The following CACNA1C variants were observed in gnomAD, a reference collection of about 807,000 sequenced individuals.
CACNA1C encodes calcium voltage-gated channel subunit alpha1 C, also known as voltage-dependent L-type calcium channel subunit alpha-1C.
CACNA1C carries 30 observed loss-of-function variants against 229.0 expected under a neutral mutation model. The observed-to-expected ratio is 0.13, with a 90% confidence interval of 0.10 to 0.18. The LOEUF (loss-of-function observed/expected upper bound fraction) is 0.18. Ranked by LOEUF, CACNA1C falls within the 10% of genes least tolerant of loss-of-function variation. CACNA1C has a pLI of 1.00. For missense variants in CACNA1C, 1,658 were observed against 2,845.0 expected, an observed-to-expected ratio of 0.58 and a Z score of 9.49; for synonymous variants, 1,114 against 1,132.5, an observed-to-expected ratio of 0.98 and a Z score of 0.33.
chr12:2,255,318 T>C (rs902397279), intron 3 of CACNA1C, among the ~76,000 whole-genome samples: 2 of 148,240 alleles, frequency 1.3e-5, no homozygotes, highest in Admixed American at 1.3e-4. Flanking sequence ...ATTCCCCAGG[T>C]GTGGGAGTTC....
intron 7 of CACNA1C, among the ~76,000 whole-genome samples, chr12:2,494,850 T>C (rs1287500437): frequency 6.6e-6 from 1 of 152,220 alleles, no homozygotes; most frequent in Non-Finnish European, 1.5e-5. Context: ...AAGTGACAAC[T>C]TGAAACTTGC....
Position 1,971,632 on chromosome 12 carries a change from AG to A in CACNA1C, c.139+432del, listed in dbSNP as rs775184990. On this transcript the variant is annotated intron_variant, in intron 1 of 46. Transcript: ENST00000682462. The surrounding 1 kb of genome is among the most constrained non-coding windows in gnomAD (Gnocchi z 4.2). ...AAATTTCTTCAGTGGAAAAACCAAA[AG>A]CTGGTCAAATTTTAAGAGGCTAGTT... Among the ~76,000 whole-genome samples the A allele has an allele frequency of 1.2e-4, 18 of 152,216 alleles. No individual in the cohort carries two copies. The highest frequency in any genetic ancestry group is 1.9e-4 in the Non-Finnish European group (13 of 68,038).
chr12:2,550,596 A>G (rs2099897722), intron 10 of CACNA1C: 1 of 1,351,522 alleles, frequency 7.4e-7, no homozygotes, highest in Non-Finnish European at 9.8e-7. Context: ...TTGGGGTGTC[A>G]CGACTGTAAA....
At chr12:2,154,684 AG>A (rs1379792057) in intron 3 of CACNA1C, among the ~76,000 whole-genome samples, 2 of 152,160 alleles carry the variant, frequency 1.3e-5, no homozygotes, top group East Asian at 3.9e-4. Flanking sequence ...GAGAAACTGA[AG>A]CCTAGAACGC....
chr12:2,493,151 C>T lies in CACNA1C; in HGVS notation c.917-39C>T, dbSNP rs745383726. The T allele has an allele frequency of 3.8e-6, 6 of 1,567,204 alleles. No homozygotes were observed. Among genetic ancestry groups the T allele is most frequent in the Admixed American group, 1.7e-5 (1 of 59,650 alleles). On this transcript the variant is annotated intron_variant, in intron 6 of 46. Transcript: ENST00000399655. The surrounding 1 kb of genome is among the most constrained non-coding windows in gnomAD (Gnocchi z 4.6). ...TTTCTCTGCCCACATCTCTCCCTCC[C>T]TGCTGCTCCCGTCTCCTGTCTTCTT...
chr12:2,198,969 C>T (rs2097504301), intron 3 of CACNA1C, among the ~76,000 whole-genome samples: 1 of 152,170 alleles, frequency 6.6e-6, no homozygotes, highest in African/African-American at 2.4e-5. Context: ...TAAGTATTGG[C>T]TGCATAAAGT....
intron 5 of CACNA1C, among the ~76,000 whole-genome samples, chr12:2,473,803 T>C (rs1275875987): frequency 6.6e-6 from 1 of 152,204 alleles, no homozygotes; most frequent in Non-Finnish European, 1.5e-5. Flanking sequence ...TTTACCACTA[T>C]AGAAAATTTG....
chr12:2,587,500 C>T (rs1044122162), intron 18 of CACNA1C, among the ~76,000 whole-genome samples: 3 of 152,344 alleles, frequency 2.0e-5, no homozygotes, highest in Non-Finnish European at 4.4e-5. Flanking sequence ...ACGGCAGATA[C>T]ACCTCTTGCA....
chr12:2,656,013 CT>C (rs2153672081), intron 34 of CACNA1C, among the ~76,000 whole-genome samples: 1 of 152,296 alleles, frequency 6.6e-6, no homozygotes, highest in South Asian at 2.1e-4. Context: ...AAGTTGAAAG[CT>C]TTTCCTTTAA....
chr12:2,217,085 G>A (rs1026895307), intron 3 of CACNA1C, among the ~76,000 whole-genome samples: 1 of 152,232 alleles, frequency 6.6e-6, no homozygotes, highest in Non-Finnish European at 1.5e-5. Flanking sequence ...TAAAAAGGAA[G>A]GAGATCCTGA....
At chr12:2,534,328 G>T (rs1050739420) in intron 9 of CACNA1C, among the ~76,000 whole-genome samples, 1 of 152,278 alleles carries the variant, frequency 6.6e-6, no homozygotes, top group South Asian at 2.1e-4. Context: ...AGTGAAAGCG[G>T]ATTGCCAAGG....
At chr12:2,634,246 T>A in intron 29 of CACNA1C, 51 bp from the exon 30 acceptor site, 1 of 870,978 alleles carries the variant, frequency 1.1e-6, no homozygotes, top group Non-Finnish European at 1.7e-6. Context: ...TGTTTTGTCC[T>A]TTCTTGTTGG....
Position 2,034,780 on chromosome 12 carries a change from T to C in CACNA1C, c.139+63579T>C, listed in dbSNP as rs977467183. ...GTGCCAGGCTCTGCAGATATAGCTG[T>C]GAATAACAGATAGTCCCTGTGCAAG... On this transcript the variant is annotated intron_variant, in intron 1 of 46. Transcript: ENST00000682462. This position sits in a 1 kb window ranked among gnomAD's most constrained non-coding sequence, Gnocchi z 4.1. 2.0e-5 allele frequency among the ~76,000 whole-genome samples: 3 copies of C among 152,098 alleles called. No individual in the cohort carries two copies. The highest frequency in any genetic ancestry group is 2.9e-5 in the Non-Finnish European group (2 of 68,022).
rs115670058 is a variant in CACNA1C, at chr12:2,342,483, A to G, written c.478-106493A>G. ...GGATAACAGCCAGTTGCTTTGAACA[A>G]AGAGTTTCTTTCTAAGCCCATGAAT... On this transcript the variant is annotated intron_variant, in intron 3 of 46. Transcript: ENST00000399655. Among the ~76,000 whole-genome samples the G allele has an allele frequency of 4.3e-3, 654 of 152,264 alleles. 12 individuals are homozygous for G. The highest frequency in any genetic ancestry group is 0.015 in the African/African-American group (630 of 41,536).
intron 1 of CACNA1C, among the ~76,000 whole-genome samples, chr12:1,999,152 A>C (rs2041608258): frequency 6.6e-6 from 1 of 152,216 alleles, no homozygotes; most frequent in Non-Finnish European, 1.5e-5. Flanking sequence ...CTGAATCAGA[A>C]ACTCTGGGGA....
intron 9 of CACNA1C, among the ~76,000 whole-genome samples, chr12:2,535,465 G>A (rs1252907036): frequency 1.3e-5 from 2 of 151,894 alleles, no homozygotes; most frequent in South Asian, 2.1e-4. Flanking sequence ...TTGGGAGGGC[G>A]AGGTGGGATG....
intron 29 of CACNA1C, among the ~76,000 whole-genome samples, chr12:2,627,892 AC>A (rs763701699): frequency 1.8e-4 from 27 of 152,300 alleles, no homozygotes; most frequent in Non-Finnish European, 3.5e-4. Context: ...AGGGGAAACC[AC>A]GTGTTCAGAG....
chr12:2,499,804 ATT>A (rs573591667), intron 7 of CACNA1C, among the ~76,000 whole-genome samples: 1 of 147,904 alleles, frequency 6.8e-6, no homozygotes, highest in African/African-American at 2.5e-5. Context: ...AATCTGGGTC[ATT>A]TTTTTTTTTA....
At chr12:2,077,026 T>C (rs901527207) in intron 1 of CACNA1C, among the ~76,000 whole-genome samples, 3 of 152,240 alleles carry the variant, frequency 2.0e-5, no homozygotes, top group Non-Finnish European at 4.4e-5. Context: ...TGTTTAGCAA[T>C]GAGGTCGAGC....
Sources: gnomAD v4.1 joint callset for allele counts (sites outside exome capture counted in the v4.1 genomes callset) on GRCh38, gnomAD v4.1.1 for gene constraint, Gnocchi (gnomAD v3.1) non-coding constraint, MANE v1.5 for transcripts, NCBI Gene and HGNC (gene_info 2026-07-23, HGNC 2026-07-21) for gene names.